Variants in TNXB observed in about 807,000 individuals in gnomAD.
The protein encoded by TNXB is tenascin-X.
Under a neutral mutation model 340.5 loss-of-function variants are expected in TNXB, and 183 were observed. The ratio of observed to expected loss-of-function variants is 0.54; its 90% CI spans 0.48 to 0.61. The LOEUF (loss-of-function observed/expected upper bound fraction) is 0.61. Ranked by LOEUF, TNXB falls within the 20% of genes least tolerant of loss-of-function variation. The pLI, the probability that TNXB is intolerant of heterozygous loss-of-function variation, is 0.00. For missense variants in TNXB, 4,613 were observed against 5,446.4 expected (o/e 0.85, Z 4.82); for synonymous variants, 2,121 against 2,314.5 (o/e 0.92, Z 2.40).
chr6:32,048,541 A>G lies in TNXB; in HGVS notation c.9867T>C (p.Phe3289=). The change falls in exon 29 of 44, where the codon TTT becomes TTC. Residue 3289 remains phenylalanine, a synonymous_variant. Transcript: ENST00000644971. ...CCCTGTACTGTACCAGGAAGGAGTCAAAGGGGCCCTGGGCCACCGTCCATG... is the reference window on the plus strand; with the variant it reads ...CCCTGTACTGTACCAGGAAGGAGTCGAAGGGGCCCTGGGCCACCGTCCATG... ...GLSWTVAQGP[F]DSFLVQYRDA... 3 of 1,570,030 alleles carry G rather than the reference A, an allele frequency of 1.9e-6. No individual in the cohort carries two copies. The Admixed American group carries it at 5.2e-5, about 27-fold the overall frequency.
In TNXB at chr6:32,049,932, C is replaced by T; in HGVS notation, c.9439+66G>A. The T allele has an allele frequency of 6.2e-7, 1 of 1,606,056 alleles. No homozygotes were observed. Among genetic ancestry groups the T allele is most frequent in the Non-Finnish European group, 8.5e-7 (1 of 1,174,360 alleles). On this transcript the variant is annotated intron_variant, in intron 27 of 43. Coordinates refer to ENST00000644971, the MANE Select transcript of TNXB (RefSeq NM_001365276.2). This position sits in a 1 kb window ranked among gnomAD's most constrained non-coding sequence, Gnocchi z 4.5. ...GACCCCTGTCCCATTCCCCACCAGT[C>T]ATCACCAAAGAGCAAGAGGTGGCCC...
rs1396024445 is a variant in TNXB, at chr6:32,074,021, A to ATTTATTT, written c.4376-76_4376-70dup. 12 of 1,334,596 alleles carry ATTTATTT rather than the reference A, an allele frequency of 9.0e-6. No homozygotes were observed. The Admixed American group carries it at 2.6e-4, about 28-fold the overall frequency. The allele number at this position is 1,334,596 out of a possible 1,614,324, so 82.7% of individuals were successfully genotyped here. A position where few individuals can be genotyped will look rare whatever the true frequency, so the allele number is the denominator to read the frequency against. Reference sequence around the variant, plus strand: ...TTTCTTATAGTAATGATGTCTAGTTATTTATTTTTTATTTTTTATTTTTGA... The same window carrying ATTTATTT: ...TTTCTTATAGTAATGATGTCTAGTTATTTATTTTTTATTTTTTATTTTTTATTTTTGA... On this transcript the variant is annotated intron_variant, in intron 11 of 43. Transcript: ENST00000644971. The surrounding 1 kb of genome is among the most constrained non-coding windows in gnomAD (Gnocchi z 5.5).
At chr6:32,065,880 C>T (rs1778308549) in intron 18 of TNXB, among the ~76,000 whole-genome samples, 3 of 152,096 alleles carry the variant, frequency 2.0e-5, no homozygotes, top group Admixed American at 2.0e-4. Context: ...GAACTCTTTA[C>T]CTCAAGTGAT....
At chr6:32,078,047 A>AAG (rs1243925573) in intron 11 of TNXB, among the ~76,000 whole-genome samples, 7 of 147,752 alleles carry the variant, frequency 4.7e-5, no homozygotes, top group East Asian at 4.0e-4. Context: ...AAAAGAAAGA[A>AAG]AGAGAGAGAG....
chr6:32,077,178 A>AGAGC, intron 11 of TNXB, among the ~76,000 whole-genome samples: 1 of 152,236 alleles, frequency 6.6e-6, no homozygotes, highest in Middle Eastern at 3.4e-3. Context: ...TCCCTGGGAC[A>AGAGC]GAGCGGCAGA....
chr6:32,062,282 C>T lies in TNXB; in HGVS notation c.7043G>A (p.Arg2348Gln), dbSNP rs368054590. The T allele has an allele frequency of 2.6e-5, 42 of 1,613,392 alleles. No homozygotes were observed. Among genetic ancestry groups the T allele is most frequent in the Admixed American group, 2.0e-4 (12 of 60,012 alleles). ...KNGDGQPKAT[R>Q]VPGHEDRVTI... ...GACCCTGTCCTCATGTCCTGGCACCCGTGTTGCCTTGGGCTGCCCATCCCC... is the reference window on the plus strand; with the variant it reads ...GACCCTGTCCTCATGTCCTGGCACCTGTGTTGCCTTGGGCTGCCCATCCCC... Residue 2348 changes from arginine to glutamine, a missense_variant, in exon 20 of 44, where the codon CGG becomes CAG. Arg to Gln is a conservative substitution (Grantham distance 43, BLOSUM62 1). This residue lies in a region of TNXB where 4,327 missense variants were observed against 4,859.4 expected (regional missense o/e 0.89). Coordinates refer to ENST00000644971, the MANE Select transcript of TNXB (RefSeq NM_001365276.2). This position sits in a 1 kb window ranked among gnomAD's most constrained non-coding sequence, Gnocchi z 4.3.
At chr6:32,048,308 G>C in intron 29 of TNXB, 55 bp downstream of exon 29, 1 of 1,462,026 alleles carries the variant, frequency 6.8e-7, no homozygotes, top group South Asian at 1.5e-5. Context: ...AATTCCAACA[G>C]GTGCCACAAG....
At position 32,067,857 on chromosome 6, in the gene TNXB, G is replaced by A. The variant is rs143840297; in HGVS notation, c.6348C>T (p.Thr2116=). Reference sequence around the variant, plus strand: ...AGGAGTCGAAGCGGCCCTGGGGGACGGTCCAGGAGAGGCTCAGCGAGTCAG... The same window carrying A: ...AGGAGTCGAAGCGGCCCTGGGGGACAGTCCAGGAGAGGCTCAGCGAGTCAG... ...SSPDSLSLSW[T]VPQGRFDSFT... The change falls in exon 18 of 44, where the codon ACC becomes ACT. Residue 2116 remains threonine (T), a synonymous_variant. Coordinates refer to ENST00000644971, the MANE Select transcript of TNXB (RefSeq NM_001365276.2). This position sits in a 1 kb window ranked among gnomAD's most constrained non-coding sequence, Gnocchi z 4.2. 3.3e-3 allele frequency: 5,389 copies of A among 1,613,000 alleles called. 156 individuals carry two copies. The East Asian group carries it at 0.073, about 22-fold the overall frequency.
At chr6:32,107,079 C>T (rs897258536) in intron 1 of TNXB, among the ~76,000 whole-genome samples, 1 of 152,136 alleles carries the variant, frequency 6.6e-6, no homozygotes, top group Non-Finnish European at 1.5e-5. Flanking sequence ...TTGTTGGCTC[C>T]GAGGGCAGCT....
At position 32,046,534 on chromosome 6, in the gene TNXB, G is replaced by A. The variant is rs780572980; in HGVS notation, c.10325-78C>T. ...CCCTGGCAGCCTCCCGGAGGTGTGA[G>A]GTTCTGGGAAATGGTCCCTCCAGTG... On this transcript the variant is annotated intron_variant, in intron 30 of 43. Coordinates refer to ENST00000644971, the MANE Select transcript of TNXB (RefSeq NM_001365276.2). This position sits in a 1 kb window ranked among gnomAD's most constrained non-coding sequence, Gnocchi z 6.9. 4.8e-5 allele frequency: 64 copies of A among 1,344,592 alleles called. No homozygotes were observed. The highest frequency in any genetic ancestry group is 7.8e-5 in the Admixed American group (3 of 38,598). The allele number at this position is 1,344,592 out of a possible 1,614,324, so 83.3% of individuals were successfully genotyped here.
At position 32,059,770 on chromosome 6, in the gene TNXB, T is replaced by C. The variant is rs925495179; in HGVS notation, c.7493-1380A>G. 4.6e-5 allele frequency among the ~76,000 whole-genome samples: 7 copies of C among 152,030 alleles called. 1 individual carries two copies. Among genetic ancestry groups the C allele is most frequent in the African/African-American group, 1.7e-4 (7 of 41,260 alleles). ...GGATGCCGATTGAGAGTGCTTCCTC[T>C]GTCTGGATGGCCTTTGGGAGATGAG... On this transcript the variant is annotated intron_variant, in intron 21 of 43. Transcript: ENST00000644971.
At chr6:32,102,114 G>C (rs1780749035) in intron 1 of TNXB, among the ~76,000 whole-genome samples, 1 of 152,164 alleles carries the variant, frequency 6.6e-6, no homozygotes, top group African/African-American at 2.4e-5. Context: ...ATATCCTCCA[G>C]AATGCTTGTC....
Position 32,098,200 on chromosome 6 carries a change from C to T in TNXB, c.-2G>A, listed in dbSNP as rs894458294. The T allele has an allele frequency of 1.3e-6, 2 of 1,495,826 alleles. No homozygotes were observed. Among genetic ancestry groups the T allele is most frequent in the South Asian group, 1.4e-5 (1 of 72,002 alleles). The allele number at this position is 1,495,826 out of a possible 1,614,324, so 92.7% of individuals were successfully genotyped here. On this transcript the variant is annotated 5_prime_UTR_variant, in exon 2 of 44. Transcript: ENST00000644971. Reference sequence around the variant, plus strand: ...TAGAGCATACTGGGCTGGCATCATTCAGGAGGCTGCAGGGAGAAAGGGTAG... The same window carrying T: ...TAGAGCATACTGGGCTGGCATCATTTAGGAGGCTGCAGGGAGAAAGGGTAG...
At chr6:32,077,051 CAGTT>C (rs545163529) in intron 11 of TNXB, among the ~76,000 whole-genome samples, 23 of 152,266 alleles carry the variant, frequency 1.5e-4, no homozygotes, top group Admixed American at 5.9e-4. Context: ...GGAAGGAACT[CAGTT>C]TGTCAGATTC....
intron 4 of TNXB, among the ~76,000 whole-genome samples, chr6:32,091,246 G>A (rs1780061467): frequency 6.6e-6 from 1 of 152,036 alleles, no homozygotes; most frequent in South Asian, 2.1e-4. Context: ...GAGTAGCTGG[G>A]ATTACAGGCA....
Position 32,064,773 on chromosome 6 carries a change from A to G in TNXB, c.6841+48T>C. 1 of 1,581,884 alleles carries G rather than the reference A, an allele frequency of 6.3e-7. No homozygotes were observed. The highest frequency in any genetic ancestry group is 8.6e-7 in the Non-Finnish European group (1 of 1,163,068). ...CACCAGATACTGACAATAAAAGGGA[A>G]ACTGAGTCTAGTTCAGGGCAGGGCC... On this transcript the variant is annotated intron_variant, in intron 19 of 43. Coordinates refer to ENST00000644971, the MANE Select transcript of TNXB (RefSeq NM_001365276.2). This position sits in a 1 kb window ranked among gnomAD's most constrained non-coding sequence, Gnocchi z 5.3.
At position 32,068,440 on chromosome 6, in the gene TNXB, C is replaced by T; in HGVS notation, c.6170G>A (p.Gly2057Asp). The T allele has an allele frequency of 1.2e-6, 2 of 1,613,928 alleles. No individual in the cohort carries two copies. Among genetic ancestry groups the T allele is most frequent in the South Asian group, 2.2e-5 (2 of 91,090 alleles). ...GCCCATGCGCTGGCCACCGTGGAAGCCGTACAGGTTCATCTTGTATTTATG... is the reference window on the plus strand; with the variant it reads ...GCCCATGCGCTGGCCACCGTGGAAGTCGTACAGGTTCATCTTGTATTTATG... Reference protein sequence around the residue: ...PDHKYKMNLYGFHGGQRMGPV... With the variant: ...PDHKYKMNLYDFHGGQRMGPV... The change falls in exon 17 of 44, where the codon GGC becomes GAC. Residue 2057 changes from glycine (G) to aspartate (D), a missense_variant. Around this residue, in one of 7 missense-constraint regions of TNXB, gnomAD observed 4,327 missense variants for 4,859.4 expected, o/e 0.89. Coordinates refer to ENST00000644971, the MANE Select transcript of TNXB (RefSeq NM_001365276.2). The surrounding 1 kb of genome is among the most constrained non-coding windows in gnomAD (Gnocchi z 5.3).
Position 32,064,795 on chromosome 6 carries a change from G to A in TNXB, c.6841+26C>T. ...GGAAACTGAGTCTAGTTCAGGGCAG[G>A]GCCCAGTGCCCTACTGCACACTCAC... On this transcript the variant is annotated intron_variant, in intron 19 of 43. Coordinates refer to ENST00000644971, the MANE Select transcript of TNXB (RefSeq NM_001365276.2). This position sits in a 1 kb window ranked among gnomAD's most constrained non-coding sequence, Gnocchi z 5.3. 2 of 1,599,934 alleles carry A rather than the reference G, an allele frequency of 1.3e-6. No homozygotes were observed. The highest frequency in any genetic ancestry group is 1.7e-6 in the Non-Finnish European group (2 of 1,173,130).
At position 32,041,467 on chromosome 6, in the gene TNXB, C is replaced by G. The variant is rs569442243; in HGVS notation, c.12634-17G>C. 1 of 1,050,862 alleles carries G rather than the reference C, an allele frequency of 9.5e-7. No homozygotes were observed. The highest frequency in any genetic ancestry group is 2.6e-5 in the East Asian group (1 of 38,942). 65.1% of individuals were successfully genotyped at this position (1,050,862 alleles called of 1,614,324 possible). On this transcript the variant is annotated splice_polypyrimidine_tract_variant and intron_variant, in intron 43 of 43. Coordinates refer to ENST00000644971, the MANE Select transcript of TNXB (RefSeq NM_001365276.2). ...GCTCACTCCCTGGGAAAGGGGTTGT[C>G]AAGAGAGAGTCAAAGCCGGATGTCC...
Sources: gnomAD v4.1 joint callset for allele counts (sites outside exome capture counted in the v4.1 genomes callset) on GRCh38, gnomAD v4.1.1 for gene constraint, gnomAD v4.1.1 regional missense constraint, Gnocchi (gnomAD v3.1) non-coding constraint, MANE v1.5 for transcripts, NCBI Gene and HGNC (gene_info 2026-07-23, HGNC 2026-07-21) for gene names.